PRR16: variants seen among roughly 807,000 people sequenced by gnomAD.
The protein encoded by PRR16 is protein Largen.
A neutral mutation model predicts 18.2 loss-of-function variants in PRR16; 6 were observed. The ratio of observed to expected loss-of-function variants is 0.33; its 90% CI spans 0.18 to 0.65. PRR16 has a LOEUF of 0.65. Among genes scored for constraint, PRR16 ranks in the 30% least tolerant of loss-of-function variants. PRR16 has a pLI of 0.74. For synonymous variants in PRR16, 151 were observed against 147.8 expected, an observed-to-expected ratio of 1.02 and a Z score of -0.16; for missense variants, 412 against 376.6, an observed-to-expected ratio of 1.09 and a Z score of -0.78.
intron 1 of PRR16, among the ~76,000 whole-genome samples, chr5:120,565,051 A>G (rs1363583299): frequency 6.6e-6 from 1 of 150,410 alleles, no homozygotes; most frequent in Non-Finnish European, 1.5e-5. Context: ...GGTTCTTGTG[A>G]TGGTGCTTTT....
At chr5:120,550,898 CAA>C (rs983782914) in intron 1 of PRR16, among the ~76,000 whole-genome samples, 6 of 151,912 alleles carry the variant, frequency 3.9e-5, no homozygotes, top group Admixed American at 2.6e-4. Context: ...TTTGTTTACT[CAA>C]GTTTACTAAG....
chr5:120,784,564 A>G, the PRR16 span, among the ~76,000 whole-genome samples: 3 of 152,192 alleles, frequency 2.0e-5, no homozygotes, highest in Non-Finnish European at 4.4e-5. Flanking sequence ...AAGGAACTCA[A>G]TAACCAGAAT....
intron 1 of PRR16, among the ~76,000 whole-genome samples, chr5:120,521,749 G>T (rs1362228939): frequency 6.6e-6 from 1 of 151,916 alleles, no homozygotes; most frequent in Admixed American, 6.6e-5. Flanking sequence ...GTATACATGT[G>T]CCATGTTGGT....
chr5:120,782,660 G>A, the PRR16 span, among the ~76,000 whole-genome samples: 1 of 152,082 alleles, frequency 6.6e-6, no homozygotes, highest in African/African-American at 2.4e-5. Flanking sequence ...GTGTCCAGTG[G>A]AACAGGCATT....
chr5:120,541,675 G>A (rs1187824148), intron 1 of PRR16, among the ~76,000 whole-genome samples: 1 of 152,142 alleles, frequency 6.6e-6, no homozygotes, highest in Admixed American at 6.5e-5. Flanking sequence ...AATATTTAGA[G>A]TTTTATACTT....
intron 1 of PRR16, among the ~76,000 whole-genome samples, chr5:120,482,220 T>C (rs936695604): frequency 2.6e-5 from 4 of 152,184 alleles, no homozygotes; most frequent in Admixed American, 1.3e-4. Context: ...TGGAGTACAG[T>C]TGATCCCTTC....
chr5:120,786,088 GT>G, the PRR16 span, among the ~76,000 whole-genome samples: 1,169 of 136,752 alleles, frequency 8.5e-3, 16 homozygotes, highest in African/African-American at 0.029. Flanking sequence ...GAAAGCTTTT[GT>G]TTTTTTTTTT....
chr5:120,598,113 G>A (rs1179874053), intron 1 of PRR16, among the ~76,000 whole-genome samples: 4 of 151,550 alleles, frequency 2.6e-5, no homozygotes, highest in South Asian at 2.1e-4. Flanking sequence ...GTTAGTTTAT[G>A]TATAGGTTAC....
intron 1 of PRR16, among the ~76,000 whole-genome samples, chr5:120,593,397 C>T (rs1753701252): frequency 6.6e-6 from 1 of 151,956 alleles, no homozygotes; most frequent in Admixed American, 6.6e-5. Context: ...ATTAGAATAT[C>T]TGGGAGAAGT....
chr5:120,773,333 A>G, the PRR16 span, among the ~76,000 whole-genome samples: 7 of 152,242 alleles, frequency 4.6e-5, no homozygotes, highest in East Asian at 1.4e-3. Context: ...GTCCATAAGG[A>G]CTGAGTTTGT....
chr5:120,762,585 C>T, the PRR16 span, among the ~76,000 whole-genome samples: 2 of 152,092 alleles, frequency 1.3e-5, no homozygotes, highest in African/African-American at 4.8e-5. Flanking sequence ...TTGTATGTCT[C>T]CTTTTGAGAA....
At chr5:120,535,770 G>T (rs1467820882) in intron 1 of PRR16, among the ~76,000 whole-genome samples, 1 of 151,468 alleles carries the variant, frequency 6.6e-6, no homozygotes, top group Non-Finnish European at 1.5e-5. Flanking sequence ...ACTGTACTCA[G>T]CCCGAGTGAC....
chr5:120,728,274 T>C, the PRR16 span, among the ~76,000 whole-genome samples: 10 of 151,488 alleles, frequency 6.6e-5, no homozygotes, highest in South Asian at 2.1e-3. Flanking sequence ...TAAGACATAC[T>C]ACAATAGTTT....
rs1258764529 is a variant in PRR16, at chr5:120,667,669, G to A, written c.160-18285G>A. On this transcript the variant is annotated intron_variant, in intron 1 of 1. Coordinates refer to ENST00000407149, the MANE Select transcript of PRR16 (RefSeq NM_001300783.2). ...GGTATGTTGTGTCTTTGTTCTCGTT[G>A]GTTTCAAAGAACATCTTTATTTCTG... Among the ~76,000 whole-genome samples, 4 of 151,376 alleles carry A rather than the reference G, an allele frequency of 2.6e-5. No individual in the cohort carries two copies. In the East Asian group the frequency reaches 7.8e-4, roughly 29 times the overall value.
chr5:120,575,617 A>G (rs1291804400), intron 1 of PRR16, among the ~76,000 whole-genome samples: 2 of 152,148 alleles, frequency 1.3e-5, no homozygotes, highest in Admixed American at 6.6e-5. Context: ...CTTTTATGAT[A>G]AAAACTCAAC....
chr5:120,555,153 A>G (rs573037195), intron 1 of PRR16, among the ~76,000 whole-genome samples: 1 of 151,914 alleles, frequency 6.6e-6, no homozygotes, highest in Non-Finnish European at 1.5e-5. Flanking sequence ...ACAAGGCTAT[A>G]TTCTTATTCA....
At chr5:120,754,506 G>GTA in the PRR16 span, among the ~76,000 whole-genome samples, 4 of 70,802 alleles carry the variant, frequency 5.6e-5, no homozygotes, top group Admixed American at 2.4e-4. Flanking sequence ...ATTTTATTAT[G>GTA]TATATTATAT....
intron 1 of PRR16, among the ~76,000 whole-genome samples, chr5:120,617,506 T>C (rs764545059): frequency 6.6e-6 from 1 of 152,192 alleles, no homozygotes; most frequent in Non-Finnish European, 1.5e-5. Context: ...GCTCCAAAAA[T>C]ATTTTAAGAA....
At chr5:120,524,437 T>C (rs1020968292) in intron 1 of PRR16, among the ~76,000 whole-genome samples, 26 of 152,258 alleles carry the variant, frequency 1.7e-4, no homozygotes, top group African/African-American at 6.3e-4. Flanking sequence ...GAAATGCAGA[T>C]ACACATTTTT....
Sources: allele counts gnomAD v4.1 joint callset (sites outside exome capture counted in the v4.1 genomes callset), GRCh38; gene constraint gnomAD v4.1.1; transcripts MANE v1.5; gene names NCBI Gene and HGNC (gene_info 2026-07-23, HGNC 2026-07-21).